EPHA6: variants seen among roughly 807,000 people sequenced by gnomAD.
EPHA6 encodes EPH receptor A6.
EPHA6 carries 50 observed loss-of-function variants against 112.0 expected under a neutral mutation model. The ratio of observed to expected loss-of-function variants is 0.45; its 90% CI spans 0.36 to 0.56. EPHA6 has a LOEUF of 0.56. Ranked by LOEUF, EPHA6 falls within the 20% of genes least tolerant of loss-of-function variation. EPHA6 has a pLI of 0.00. For synonymous variants in EPHA6, 529 were observed against 490.7 expected (o/e 1.08, Z -1.03); for missense variants, 1,280 against 1,417.4 (o/e 0.90, Z 1.56).
intron 3 of EPHA6, among the ~76,000 whole-genome samples, chr3:97,086,717 C>T (rs2046912392): frequency 6.6e-6 from 1 of 151,888 alleles, no homozygotes; most frequent in Non-Finnish European, 1.5e-5. Flanking sequence ...TAGATATTTA[C>T]ATAACATTTA....
chr3:97,133,717 G>T (rs912311636), intron 3 of EPHA6, among the ~76,000 whole-genome samples: 1 of 151,954 alleles, frequency 6.6e-6, no homozygotes, highest in Non-Finnish European at 1.5e-5. Context: ...TTTGTAACTT[G>T]TATTAAAATA....
At chr3:97,555,978 C>T (rs150067989) in intron 11 of EPHA6, among the ~76,000 whole-genome samples, 193 of 152,102 alleles carry the variant, frequency 1.3e-3, no homozygotes, top group African/African-American at 4.6e-3. Context: ...CGCCAAAGCT[C>T]ATAGGTCCCA....
chr3:97,450,437 T>C (rs1048875085), intron 7 of EPHA6, among the ~76,000 whole-genome samples: 1 of 152,104 alleles, frequency 6.6e-6, no homozygotes, highest in African/African-American at 2.4e-5. Context: ...AAGTTTGACA[T>C]TGTTGAGTAT....
rs188114077 is a variant in EPHA6 at position 96,956,195 on chromosome 3, A to G, written c.451-31135A>G. Among the ~76,000 whole-genome samples, 400 of 152,288 alleles carry G rather than the reference A, an allele frequency of 2.6e-3. 2 individuals carry two copies. Among genetic ancestry groups the G allele is most frequent in the African/African-American group, 9.0e-3 (376 of 41,562 alleles). On this transcript the variant is annotated intron_variant, in intron 2 of 17. Transcript: ENST00000389672. ...TCCTAAGCTTTCTGAAAAAGTAACAATCCATACACATAGAGATTGGTAATT... is the reference window on the plus strand; with the variant it reads ...TCCTAAGCTTTCTGAAAAAGTAACAGTCCATACACATAGAGATTGGTAATT...
chr3:97,113,950 C>T (rs2108288244), intron 3 of EPHA6, among the ~76,000 whole-genome samples: 1 of 152,174 alleles, frequency 6.6e-6, no homozygotes, highest in South Asian at 2.1e-4. Flanking sequence ...TAGTCATTTC[C>T]TGTCCTGAAT....
rs1448863620 is a variant in EPHA6 at position 97,758,577 on chromosome 3, T to A, written c.*9876T>A. Among the ~76,000 whole-genome samples the A allele has an allele frequency of 1.3e-5, 2 of 151,918 alleles. No homozygotes were observed. The highest frequency in any genetic ancestry group is 4.8e-5 in the African/African-American group (2 of 41,386). ...GTGACCAAGACAAGCAAAGTCCCTGTCTCATGGAATTGACCTTCTAGTGAT... is the reference window on the plus strand; with the variant it reads ...GTGACCAAGACAAGCAAAGTCCCTGACTCATGGAATTGACCTTCTAGTGAT... On this transcript the variant is annotated 3_prime_UTR_variant, in exon 18 of 18. Coordinates refer to ENST00000389672, the MANE Select transcript of EPHA6 (RefSeq NM_001080448.3).
chr3:97,683,733 T>C (rs2032039779), intron 14 of EPHA6, among the ~76,000 whole-genome samples: 2 of 152,166 alleles, frequency 1.3e-5, no homozygotes, highest in Non-Finnish European at 1.5e-5. Context: ...CGTACTTCTT[T>C]CTATATTTCT....
At chr3:97,065,620 T>G (rs6438925) in intron 3 of EPHA6, among the ~76,000 whole-genome samples, 44,931 of 151,900 alleles carry the variant, frequency 0.3, 11,644 homozygotes, top group African/African-American at 0.69. Flanking sequence ...TGATAGTATT[T>G]GGAAAACACA....
chr3:96,832,249 C>G (rs1243722884), intron 1 of EPHA6, among the ~76,000 whole-genome samples: 1 of 151,996 alleles, frequency 6.6e-6, no homozygotes, highest in Non-Finnish European at 1.5e-5. Context: ...ATGACTTTAT[C>G]TAACTAAGAG....
In EPHA6 at chr3:96,814,828, C is replaced by G; in HGVS notation, c.205C>G (p.Pro69Ala). The change falls in exon 1 of 18, where the codon CCC (proline) becomes GCC (alanine). Residue 69 changes from proline (P) to alanine (A), a missense_variant. By Grantham distance (27) the Pro-to-Ala change is conservative. Coordinates refer to ENST00000389672, the MANE Select transcript of EPHA6 (RefSeq NM_001080448.3). ...EEEEEDVDKD[P>A]HPTQNTCLRC... ...GGAGGAAGAAGACGTGGACAAGGAC[C>G]CCCATCCTACCCAGAACACCTGCCT... is the stretch of plus-strand genomic sequence containing the variant. 6.3e-7 allele frequency: 1 copy of G among 1,584,280 alleles called. No individual in the cohort carries two copies. Among genetic ancestry groups the G allele is most frequent in the Non-Finnish European group, 8.6e-7 (1 of 1,164,684 alleles).
chr3:97,411,879 CA>C (rs1471250484), intron 6 of EPHA6, among the ~76,000 whole-genome samples: 1 of 152,004 alleles, frequency 6.6e-6, no homozygotes, highest in Non-Finnish European at 1.5e-5. Flanking sequence ...GTAATAAACT[CA>C]GGGGGAGTCG....
intron 2 of EPHA6, among the ~76,000 whole-genome samples, chr3:96,960,860 G>T (rs2041926205): frequency 6.6e-6 from 1 of 152,020 alleles, no homozygotes; most frequent in South Asian, 2.1e-4. Flanking sequence ...AGTCATAGGT[G>T]AATAATCTCA....
At chr3:97,042,013 G>T (rs2045334074) in intron 3 of EPHA6, among the ~76,000 whole-genome samples, 1 of 152,036 alleles carries the variant, frequency 6.6e-6, no homozygotes, top group Non-Finnish European at 1.5e-5. Flanking sequence ...TAATGGCCTT[G>T]GTCCTAGAGA....
chr3:97,652,298 C>A (rs910530606), intron 14 of EPHA6, among the ~76,000 whole-genome samples: 8 of 151,962 alleles, frequency 5.3e-5, no homozygotes, highest in African/African-American at 1.9e-4. Context: ...TAAAAAGCTT[C>A]ACATCAATGG....
chr3:97,735,441 G>A (rs1214861458), intron 15 of EPHA6, among the ~76,000 whole-genome samples: 1 of 151,996 alleles, frequency 6.6e-6, no homozygotes, highest in African/African-American at 2.4e-5. Flanking sequence ...GATGAAGAAA[G>A]AAGGGATGAT....
intron 3 of EPHA6, among the ~76,000 whole-genome samples, chr3:97,157,640 T>G (rs576077453): frequency 6.6e-6 from 1 of 152,068 alleles, no homozygotes; most frequent in South Asian, 2.1e-4. Flanking sequence ...CAGCCTATAG[T>G]GTAAATTCCA....
intron 3 of EPHA6, among the ~76,000 whole-genome samples, chr3:97,090,469 A>G (rs1335515131): frequency 1.3e-5 from 2 of 152,090 alleles, no homozygotes; most frequent in Admixed American, 1.3e-4. Context: ...TAAATTTATA[A>G]TGCATTACAA....
intron 11 of EPHA6, among the ~76,000 whole-genome samples, chr3:97,533,311 AT>A (rs1187721673): frequency 6.6e-6 from 1 of 152,056 alleles, no homozygotes; most frequent in Non-Finnish European, 1.5e-5. Flanking sequence ...TAAAAATAAC[AT>A]TTATTTTAAA....
intron 16 of EPHA6, among the ~76,000 whole-genome samples, chr3:97,744,077 T>C (rs2107889504): frequency 6.6e-6 from 1 of 152,096 alleles, no homozygotes; most frequent in East Asian, 1.9e-4. Context: ...ACTGTAACAT[T>C]ACCTGTAATA....
Sources: allele counts gnomAD v4.1 joint callset (sites outside exome capture counted in the v4.1 genomes callset), GRCh38; gene constraint gnomAD v4.1.1; transcripts MANE v1.5; gene names NCBI Gene and HGNC (gene_info 2026-07-23, HGNC 2026-07-21).